CARD8: variants seen among roughly 807,000 people sequenced by gnomAD.
The protein encoded by CARD8 is caspase recruitment domain family member 8, also known as caspase recruitment domain-containing protein 8.
A neutral mutation model predicts 53.2 loss-of-function variants in CARD8; 38 were observed. The ratio of observed to expected loss-of-function variants is 0.71; its 90% CI spans 0.55 to 0.94. The LOEUF is 0.94. Among genes scored for constraint, CARD8 ranks in the 40% least tolerant of loss-of-function variants. The pLI is 0.00. For missense variants in CARD8, 561 were observed against 655.5 expected (o/e 0.86, Z 1.57); for synonymous variants, 245 against 244.9 (o/e 1.00, Z 0.00).
rs904832150 is a variant in CARD8, at chr19:48,245,233, G to A, written c.-43-4170C>T. On this transcript the variant is annotated intron_variant, in intron 3 of 13. Coordinates refer to ENST00000651546, the MANE Select transcript of CARD8 (RefSeq NM_001184900.3). ...AAGAATCTTTTTTTTTCTTTGAGAC[G>A]GGGCCTCCCTCTGTCGCTCAGGCTG... 2.6e-5 allele frequency among the ~76,000 whole-genome samples: 4 copies of A among 151,922 alleles called. No homozygotes were observed. The East Asian group carries it at 5.8e-4, about 22-fold the overall frequency.
intron 5 of CARD8, among the ~76,000 whole-genome samples, chr19:48,235,886 G>T (rs1274683032): frequency 4.0e-5 from 6 of 150,840 alleles, no homozygotes; most frequent in Non-Finnish European, 5.9e-5. Flanking sequence ...TATTACTGAA[G>T]ACAACTTTTG....
rs4347733 is a variant in CARD8 at position 48,208,703 on chromosome 19, C to T, written c.*3007G>A. 47,428 of 151,694 alleles carry T rather than the reference C, an allele frequency of 0.31. 7,741 individuals are homozygous for T. The highest frequency in any genetic ancestry group is 0.52 in the East Asian group (2,667 of 5,134). The allele number at this position is 151,694 out of a possible 1,614,324, so 9.4% of individuals were successfully genotyped here. On this transcript the variant is annotated 3_prime_UTR_variant, in exon 14 of 14. Transcript: ENST00000651546. Reference sequence around the variant, plus strand: ...ATAAAAATACTCAAATGAGGCCAGGCACGGTGGCTCATGCCTGTAATCCCA... The same window carrying T: ...ATAAAAATACTCAAATGAGGCCAGGTACGGTGGCTCATGCCTGTAATCCCA...
chr19:48,220,138 C>A (rs1342112500), intron 11 of CARD8, among the ~76,000 whole-genome samples: 1 of 152,138 alleles, frequency 6.6e-6, no homozygotes, highest in Admixed American at 6.5e-5. Context: ...GAAGGACAAC[C>A]AAACTTCTGG....
chr19:48,224,102 C>T (rs140080682), intron 10 of CARD8, among the ~76,000 whole-genome samples: 6,193 of 152,238 alleles, frequency 0.041, 395 homozygotes, highest in African/African-American at 0.13. Context: ...GCTGGGATTA[C>T]AGGCGCATGC....
chr19:48,238,628 C>T, intron 4 of CARD8, 96 bp from the exon 5 acceptor site: 1 of 1,162,992 alleles, frequency 8.6e-7, no homozygotes, highest in Non-Finnish European at 1.2e-6. Context: ...GTAGCCCGAT[C>T]CTTAGAGATA....
In CARD8 at chr19:48,230,994, G is replaced by A. The variant is rs769671624; in HGVS notation, c.555C>T (p.Pro185=). 1.2e-6 allele frequency: 2 copies of A among 1,613,860 alleles called. No individual in the cohort carries two copies. Among genetic ancestry groups the A allele is most frequent in the Non-Finnish European group, 1.7e-6 (2 of 1,179,774 alleles). The change falls in exon 9 of 14, where the codon CCC becomes CCT. Residue 185 remains proline, a synonymous_variant. Transcript: ENST00000651546. ...KSTNRYSVWF[P]TAGWYLWSAT... The stretch of plus-strand genomic sequence containing the variant: ...CTGACCACAGATACCAGCCAGCAGT[G>A]GGGAACCAAACGCTGAAAGGAGCCA...
chr19:48,225,710 G>A, intron 10 of CARD8, among the ~76,000 whole-genome samples: 1 of 152,042 alleles, frequency 6.6e-6, no homozygotes, highest in Non-Finnish European at 1.5e-5. Context: ...TAATGAGTGA[G>A]AAGAGAGTGA....
At chr19:48,217,840 T>C (rs1377538167) in intron 12 of CARD8, among the ~76,000 whole-genome samples, 1 of 152,218 alleles carries the variant, frequency 6.6e-6, no homozygotes, top group Admixed American at 6.5e-5. Flanking sequence ...TTCTAAACTT[T>C]AAAAAATTGT....
Position 48,253,027 on chromosome 19 carries a change from T to C in CARD8, c.-252+2765A>G, listed in dbSNP as rs2047135402. Among the ~76,000 whole-genome samples the C allele has an allele frequency of 5.3e-5, 8 of 152,336 alleles. No individual in the cohort carries two copies. The South Asian group carries it at 1.7e-3, about 32-fold the overall frequency. ...AAATACATTTTGCACATGTTCCTTATTCTTGGTACTATTTAATGGGTTGGA... is the reference window on the plus strand; with the variant it reads ...AAATACATTTTGCACATGTTCCTTACTCTTGGTACTATTTAATGGGTTGGA... On this transcript the variant is annotated intron_variant, in intron 1 of 13. Coordinates refer to ENST00000651546, the MANE Select transcript of CARD8 (RefSeq NM_001184900.3).
chr19:48,205,825 A>G (rs2037323008), downstream of CARD8, among the ~76,000 whole-genome samples: 1 of 152,178 alleles, frequency 6.6e-6, no homozygotes, highest in Non-Finnish European at 1.5e-5. Context: ...GGGAGCAACA[A>G]GAGAGTAGTA....
rs538814319 is a variant in CARD8, at chr19:48,225,045, A to G, written c.1036-3190T>C. On this transcript the variant is annotated intron_variant, in intron 10 of 13. Coordinates refer to ENST00000651546, the MANE Select transcript of CARD8 (RefSeq NM_001184900.3). ...TGGGATTACAGGTGTGAGCCACCGC[A>G]CCCGGCCCTCCTTGTGCTTTTAACT... is the stretch of plus-strand genomic sequence containing the variant. Among the ~76,000 whole-genome samples, 77 of 151,560 alleles carry G rather than the reference A, an allele frequency of 5.1e-4. 1 individual carries two copies. Among genetic ancestry groups the G allele is most frequent in the Middle Eastern group, 3.4e-3 (1 of 292 alleles).
downstream of CARD8, among the ~76,000 whole-genome samples, chr19:48,206,909 GGAGGC>G (rs2037368676): frequency 6.6e-6 from 1 of 152,126 alleles, no homozygotes; most frequent in Non-Finnish European, 1.5e-5. Flanking sequence ...TGACAAGTGT[GGAGGC>G]TTTCCTGGCT....
chr19:48,225,585 C>G (rs1325193472), intron 10 of CARD8, among the ~76,000 whole-genome samples: 2 of 152,026 alleles, frequency 1.3e-5, no homozygotes, highest in South Asian at 2.1e-4. Flanking sequence ...TAGAAAGAGA[C>G]TAGAAAGATG....
At chr19:48,217,598 C>T (rs1032520250) in intron 12 of CARD8, among the ~76,000 whole-genome samples, 24 of 136,738 alleles carry the variant, frequency 1.8e-4, no homozygotes, top group African/African-American at 5.9e-4. Context: ...AAGGTTAAAG[C>T]GATTTATAGC....
At chr19:48,244,837 A>G (rs919352617) in intron 3 of CARD8, among the ~76,000 whole-genome samples, 1 of 152,182 alleles carries the variant, frequency 6.6e-6, no homozygotes, top group African/African-American at 2.4e-5. Flanking sequence ...ATAAAGAACA[A>G]TCAAAGGAAA....
chr19:48,216,108 A>G (rs959738849), intron 12 of CARD8, among the ~76,000 whole-genome samples: 1 of 149,198 alleles, frequency 6.7e-6, no homozygotes, highest in Non-Finnish European at 1.5e-5. Context: ...GCCATCCACA[A>G]TCTCCCCCAT....
At chr19:48,253,428 GT>G (rs1378737757) in intron 1 of CARD8, among the ~76,000 whole-genome samples, 1 of 152,132 alleles carries the variant, frequency 6.6e-6, no homozygotes, top group East Asian at 1.9e-4. Context: ...ATGTTTCCAA[GT>G]GGGGCCACTT....
At chr19:48,254,243 A>T (rs945519271) in intron 1 of CARD8, among the ~76,000 whole-genome samples, 4 of 152,136 alleles carry the variant, frequency 2.6e-5, no homozygotes, top group Non-Finnish European at 4.4e-5. Context: ...CCCAAATAAT[A>T]AATAAACTAA....
chr19:48,243,408 A>G (rs2045560047), intron 3 of CARD8, among the ~76,000 whole-genome samples: 1 of 152,248 alleles, frequency 6.6e-6, no homozygotes. Flanking sequence ...ATGTCTATTT[A>G]TATGCATAAT....
Sources: allele counts gnomAD v4.1 joint callset (sites outside exome capture counted in the v4.1 genomes callset), GRCh38; gene constraint gnomAD v4.1.1; transcripts MANE v1.5; gene names NCBI Gene and HGNC (gene_info 2026-07-23, HGNC 2026-07-21).